Variants in CDC73 observed in about 807,000 individuals in gnomAD.
CDC73 encodes parafibromin.
In CDC73, 21 loss-of-function variants were observed where a neutral mutation model predicts 83.7. That is an observed-to-expected ratio of 0.25 (90% confidence interval 0.18 to 0.36). The LOEUF (loss-of-function observed/expected upper bound fraction) is 0.36, where lower values mean the gene tolerates loss of function less well. CDC73 is among the 10% of genes least tolerant of loss of function. The probability of loss-of-function intolerance (pLI) is 1.00; values close to 1 mark genes in which losing one functional copy is unlikely to be tolerated. For missense variants in CDC73, 342 were observed against 653.3 expected, an observed-to-expected ratio of 0.52 and a Z score of 5.19; for synonymous variants, 224 against 212.9, an observed-to-expected ratio of 1.05 and a Z score of -0.45.
chr1:193,224,541 CAT>C (rs1381802001), intron 13 of CDC73, among the ~76,000 whole-genome samples: 4 of 151,594 alleles, frequency 2.6e-5, no homozygotes, highest in Non-Finnish European at 5.9e-5. Flanking sequence ...TATGCATTCA[CAT>C]ATACACATGT....
intron 14 of CDC73, among the ~76,000 whole-genome samples, chr1:193,233,454 T>C (rs1677697097): frequency 6.6e-6 from 1 of 152,246 alleles, no homozygotes; most frequent in Admixed American, 6.5e-5. Flanking sequence ...GGGTTCTAAA[T>C]AGAAACTGTC....
chr1:193,216,021 A>G (rs960913493), intron 13 of CDC73, among the ~76,000 whole-genome samples: 7 of 152,182 alleles, frequency 4.6e-5, no homozygotes, highest in African/African-American at 1.7e-4. Context: ...TCTCAAATTA[A>G]CCACCTAACG....
At chr1:193,212,314 T>A in intron 12 of CDC73, 76 bp from the exon 13 acceptor site, 1 of 982,758 alleles carries the variant, frequency 1.0e-6, no homozygotes, top group Non-Finnish European at 1.5e-6. Flanking sequence ...CAATTTATAA[T>A]CTTTTAACTT....
At chr1:193,228,636 T>C (rs1036967570) in intron 13 of CDC73, among the ~76,000 whole-genome samples, 1 of 152,222 alleles carries the variant, frequency 6.6e-6, no homozygotes, top group Non-Finnish European at 1.5e-5. Context: ...GAGGAATGAC[T>C]GTCAGCCATT....
At chr1:193,138,451 A>G (rs933014931) in intron 6 of CDC73, among the ~76,000 whole-genome samples, 4 of 152,326 alleles carry the variant, frequency 2.6e-5, no homozygotes, top group Admixed American at 2.0e-4. Flanking sequence ...CTTATTGATT[A>G]CTTACACCAG....
chr1:193,223,848 AT>A (rs890646859), intron 13 of CDC73, among the ~76,000 whole-genome samples: 3 of 144,600 alleles, frequency 2.1e-5, no homozygotes, highest in African/African-American at 7.6e-5. Context: ...GGCTTTTAAG[AT>A]TTTTTTTCTT....
intron 10 of CDC73, chr1:193,179,407 T>C (rs28930673): frequency 0.045 from 6,936 of 152,726 alleles, 157 homozygotes; most frequent in African/African-American, 0.057. Context: ...TTTGTGCCTT[T>C]AAGTGATTAC....
At chr1:193,158,350 A>G (rs1273827866) in intron 10 of CDC73, among the ~76,000 whole-genome samples, 1 of 144,422 alleles carries the variant, frequency 6.9e-6, no homozygotes, top group Non-Finnish European at 1.5e-5. Flanking sequence ...AAGAAATGTA[A>G]TTTCTTTTAG....
chr1:193,155,715 T>C (rs1302836524), intron 10 of CDC73, among the ~76,000 whole-genome samples: 1 of 152,134 alleles, frequency 6.6e-6, no homozygotes, highest in African/African-American at 2.4e-5. Flanking sequence ...AGGAGGAGGC[T>C]GCAGTGAGCC....
intron 3 of CDC73, among the ~76,000 whole-genome samples, chr1:193,132,132 T>G (rs1675706704): frequency 6.6e-6 from 1 of 152,216 alleles, no homozygotes; most frequent in Admixed American, 6.5e-5. Flanking sequence ...GGTCTTACTT[T>G]GCTGAGTGTG....
At chr1:193,137,583 G>T (rs1675822984) in intron 5 of CDC73, among the ~76,000 whole-genome samples, 1 of 152,140 alleles carries the variant, frequency 6.6e-6, no homozygotes, top group African/African-American at 2.4e-5. Flanking sequence ...CCCATGAGGC[G>T]TTTAGTTGGA....
rs114822465 is a variant in CDC73, at chr1:193,217,132, T to G, written c.1154+4655T>G. On this transcript the variant is annotated intron_variant, in intron 13 of 16. Transcript: ENST00000367435. ...GGCTTGCGGTGGGGGTGTGGCTTGC[T>G]TCTTCAATACCCAGCTGCTGCTGAA... 7.2e-4 allele frequency among the ~76,000 whole-genome samples: 109 copies of G among 152,200 alleles called. 1 individual carries two copies. The highest frequency in any genetic ancestry group is 4.8e-4 in the African/African-American group (20 of 41,536).
rs1308755528 is a variant in CDC73 at position 193,254,729 on chromosome 1, T to TA, written c.*4018dup. Among the ~76,000 whole-genome samples the TA allele has an allele frequency of 2.0e-5, 3 of 152,160 alleles. No homozygotes were observed. The highest frequency in any genetic ancestry group is 4.4e-5 in the Non-Finnish European group (3 of 68,020). ...ATAAGGGCATCTTGGAAGTTATAAA[T>TA]ATGTGCCATTTACTGAAAAGTGGGA... On this transcript the variant is annotated 3_prime_UTR_variant, in exon 17 of 17. Coordinates refer to ENST00000367435, the MANE Select transcript of CDC73 (RefSeq NM_024529.5).
intron 8 of CDC73, among the ~76,000 whole-genome samples, chr1:193,149,404 A>T (rs1278259921): frequency 6.6e-6 from 1 of 152,054 alleles, no homozygotes; most frequent in African/African-American, 2.4e-5. Context: ...TAGTGGAGTA[A>T]GAGCTATGAT....
chr1:193,180,568 A>T, intron 10 of CDC73: 1 of 1,614,152 alleles, frequency 6.2e-7, no homozygotes, highest in Non-Finnish European at 8.5e-7. Context: ...GCGGATACCT[A>T]AAGAAACTTT....
chr1:193,234,026 AT>A (rs1677706075), intron 14 of CDC73, among the ~76,000 whole-genome samples: 1 of 150,966 alleles, frequency 6.6e-6, no homozygotes, highest in Non-Finnish European at 1.5e-5. Flanking sequence ...CATTGAGAAT[AT>A]TAATATTAAA....
intron 8 of CDC73, among the ~76,000 whole-genome samples, chr1:193,149,173 C>T (rs1676061690): frequency 1.3e-5 from 2 of 152,012 alleles, no homozygotes; most frequent in Admixed American, 1.3e-4. Context: ...GATTATAGTC[C>T]CTACTTTCTT....
At chr1:193,211,943 T>C (rs1204420246) in intron 11 of CDC73, 122 bp from the exon 12 acceptor site, 1 of 728,388 alleles carries the variant, frequency 1.4e-6, no homozygotes, top group Non-Finnish European at 2.4e-6. Context: ...AAAAAAGTCT[T>C]CTGATTTACA....
chr1:193,180,835 G>C, intron 10 of CDC73: 1 of 1,613,946 alleles, frequency 6.2e-7, no homozygotes, highest in African/African-American at 1.3e-5. Flanking sequence ...TGGAATATGT[G>C]GACAGTATGT....
Sources: gnomAD v4.1 joint callset for allele counts (sites outside exome capture counted in the v4.1 genomes callset) on GRCh38, gnomAD v4.1.1 for gene constraint, MANE v1.5 for transcripts, NCBI Gene and HGNC (gene_info 2026-07-23, HGNC 2026-07-21) for gene names.